IL1RAPL2: variants seen among roughly 807,000 people sequenced by gnomAD.
IL1RAPL2 encodes the protein X-linked interleukin-1 receptor accessory protein-like 2.
A neutral mutation model predicts 44.1 loss-of-function variants in IL1RAPL2; 3 were observed. The ratio of observed to expected loss-of-function variants is 0.07; its 90% CI spans 0.03 to 0.18. IL1RAPL2 has a LOEUF of 0.18. IL1RAPL2 is among the 10% of genes least tolerant of loss of function. IL1RAPL2 has a pLI of 1.00. For missense variants in IL1RAPL2, 391 were observed against 496.4 expected, an observed-to-expected ratio of 0.79 and a Z score of 2.02; for synonymous variants, 181 against 178.8, an observed-to-expected ratio of 1.01 and a Z score of -0.10.
chrX:105,408,617 T>C (rs148733938), intron 5 of IL1RAPL2, among the ~76,000 whole-genome samples: 1,470 of 112,124 alleles, frequency 0.013, 19 homozygotes, highest in African/African-American at 0.045. Flanking sequence ...CTTTGCTTTG[T>C]TATTTTTACC....
intron 3 of IL1RAPL2, chrX:105,220,410 G>A: frequency 7.7e-6 from 9 of 1,163,312 alleles, no homozygotes; most frequent in East Asian, 3.0e-5. Context: ...TCGCCTAGGG[G>A]TTTAACGGTT....
chrX:105,485,436 T>G (rs1202307920), intron 6 of IL1RAPL2, among the ~76,000 whole-genome samples: 2 of 111,239 alleles, frequency 1.8e-5, no homozygotes, highest in Admixed American at 1.9e-4. Context: ...CCTGAAACAT[T>G]TATTCTTTCT....
chrX:105,137,396 G>A (rs371367683), intron 2 of IL1RAPL2, among the ~76,000 whole-genome samples: 2 of 111,799 alleles, frequency 1.8e-5, no homozygotes, highest in African/African-American at 6.5e-5. Context: ...AGAGCAATGA[G>A]CAGAAATAAC....
intron 2 of IL1RAPL2, among the ~76,000 whole-genome samples, chrX:104,883,503 C>T (rs768925644): frequency 9.0e-6 from 1 of 111,360 alleles, no homozygotes; most frequent in Non-Finnish European, 1.9e-5. Flanking sequence ...GCGGAACTCT[C>T]GAAGTCATGT....
intron 2 of IL1RAPL2, among the ~76,000 whole-genome samples, chrX:104,867,332 G>A (rs1466579121): frequency 9.0e-6 from 1 of 110,505 alleles, no homozygotes. Context: ...ATCACAAGGC[G>A]GTAGATACGA....
intron 5 of IL1RAPL2, among the ~76,000 whole-genome samples, chrX:105,294,985 G>A (rs979549778): frequency 2.7e-5 from 3 of 111,395 alleles, no homozygotes; most frequent in Admixed American, 9.6e-5. Flanking sequence ...GGTATTTTTC[G>A]ATTGGTGAAG....
At position 105,428,520 on chromosome X, in the gene IL1RAPL2, G is replaced by A. The variant is rs2035826483; in HGVS notation, c.698-55793G>A. 2.7e-5 allele frequency among the ~76,000 whole-genome samples: 3 copies of A among 111,463 alleles called. No homozygotes were observed. The South Asian group carries it at 1.1e-3, about 42-fold the overall frequency. ...AGCCCACCTTCACCCTGCATCTCCT[G>A]CTCCTTTTATTCACTTCTGCGAAAA... On this transcript the variant is annotated intron_variant, in intron 5 of 10. Transcript: ENST00000372582.
intron 2 of IL1RAPL2, among the ~76,000 whole-genome samples, chrX:104,964,950 G>A (rs930621083): frequency 1.8e-5 from 2 of 110,943 alleles, no homozygotes; most frequent in South Asian, 3.8e-4. Context: ...TGGTATTACA[G>A]GTGTGAGTCA....
chrX:105,433,857 T>G (rs1417113168), intron 5 of IL1RAPL2, among the ~76,000 whole-genome samples: 6 of 111,010 alleles, frequency 5.4e-5, no homozygotes, highest in Non-Finnish European at 9.5e-5. Flanking sequence ...AAAAGCATGA[T>G]CCATAAAAGA....
At chrX:105,747,967 C>T (rs896256523) in intron 8 of IL1RAPL2, among the ~76,000 whole-genome samples, 7 of 110,852 alleles carry the variant, frequency 6.3e-5, no homozygotes, top group Admixed American at 3.9e-4. Flanking sequence ...ATAATGAGAC[C>T]GATAATGTCC....
chrX:104,828,499 A>G (rs1433924313), intron 2 of IL1RAPL2, among the ~76,000 whole-genome samples: 1 of 111,497 alleles, frequency 9.0e-6, no homozygotes, highest in Non-Finnish European at 1.9e-5. Context: ...CTTCCTCTGG[A>G]AGCTTTGTCC....
chrX:104,614,946 C>A (rs1405690080), intron 1 of IL1RAPL2, among the ~76,000 whole-genome samples: 1 of 111,378 alleles, frequency 9.0e-6, no homozygotes, highest in Non-Finnish European at 1.9e-5. Context: ...ACTTACCACT[C>A]TGGGCCTTTT....
At chrX:104,763,694 A>C (rs1294082411) in intron 2 of IL1RAPL2, among the ~76,000 whole-genome samples, 1 of 111,390 alleles carries the variant, frequency 9.0e-6, no homozygotes, top group Non-Finnish European at 1.9e-5. Flanking sequence ...GTGCCAAGCA[A>C]AGAGGGAAAA....
intron 2 of IL1RAPL2, among the ~76,000 whole-genome samples, chrX:104,862,159 A>G (rs900114392): frequency 2.7e-5 from 3 of 111,257 alleles, no homozygotes; most frequent in South Asian, 7.6e-4. Flanking sequence ...TGTCCCTGAA[A>G]AGGCTGACAT....
intron 2 of IL1RAPL2, among the ~76,000 whole-genome samples, chrX:105,171,323 G>A (rs767533014): frequency 9.0e-6 from 1 of 110,956 alleles, no homozygotes; most frequent in East Asian, 2.9e-4. Context: ...TTCCCAGGAT[G>A]TGAATGCAGA....
chrX:105,506,012 A>G (rs978324827), intron 6 of IL1RAPL2, among the ~76,000 whole-genome samples: 2 of 111,296 alleles, frequency 1.8e-5, no homozygotes, highest in Non-Finnish European at 3.8e-5. Context: ...CGGACACTCT[A>G]TTGAGAGCTG....
intron 6 of IL1RAPL2, among the ~76,000 whole-genome samples, chrX:105,598,427 A>C (rs2037227571): frequency 1.8e-5 from 2 of 110,767 alleles, no homozygotes; most frequent in South Asian, 7.7e-4. Context: ...TATACTGGAA[A>C]CTTTCTAAGG....
chrX:105,075,723 T>C (rs1393911999), intron 2 of IL1RAPL2, among the ~76,000 whole-genome samples: 3 of 112,112 alleles, frequency 2.7e-5, no homozygotes, highest in Non-Finnish European at 5.6e-5. Flanking sequence ...TTTCAGAGCC[T>C]GTTATTGGTC....
intron 2 of IL1RAPL2, among the ~76,000 whole-genome samples, chrX:104,854,829 C>T (rs1191579189): frequency 8.9e-6 from 1 of 111,797 alleles, no homozygotes; most frequent in Non-Finnish European, 1.9e-5. Flanking sequence ...AAAGAGGACT[C>T]AGACATGAGG....
Sources: gnomAD v4.1 joint callset for allele counts (sites outside exome capture counted in the v4.1 genomes callset) on GRCh38, gnomAD v4.1.1 for gene constraint, MANE v1.5 for transcripts, NCBI Gene and HGNC (gene_info 2026-07-23, HGNC 2026-07-21) for gene names.